The following CEP350 variants were observed in gnomAD, a reference collection of about 807,000 sequenced individuals.
CEP350 encodes the protein centrosome-associated protein 350.
A neutral mutation model predicts 331.8 loss-of-function variants in CEP350; 126 were observed. The observed-to-expected ratio is 0.38, with a 90% CI of 0.33 to 0.44. The LOEUF is 0.44. CEP350 is among the 20% of genes least tolerant of loss of function. CEP350 has a pLI of 1.00. For synonymous variants in CEP350, 1,200 were observed against 1,259.5 expected, an observed-to-expected ratio of 0.95 and a Z score of 1.00; for missense variants, 3,406 against 3,634.6, an observed-to-expected ratio of 0.94 and a Z score of 1.62.
rs377114549 is a variant in CEP350, at chr1:180,080,713, A to T, written c.6124+52A>T. ...TTTGTGTTGTATTTGAACAGCCTTT[A>T]CTCTAAAAGGCTTCAAGGAGTTTGT... On this transcript the variant is annotated intron_variant, in intron 30 of 37. Transcript: ENST00000367607. 32 of 1,489,282 alleles carry T rather than the reference A, an allele frequency of 2.1e-5. No homozygotes were observed. In the African/African-American group the frequency reaches 3.7e-4, roughly 17 times the overall value. 92.3% of individuals were successfully genotyped at this position (1,489,282 alleles called of 1,614,324 possible).
At chr1:179,988,668 A>AC (rs200558607) in intron 3 of CEP350, among the ~76,000 whole-genome samples, 1 of 148,690 alleles carries the variant, frequency 6.7e-6, no homozygotes, top group South Asian at 2.1e-4. Context: ...TCAAAGGGAA[A>AC]CCCTTTTTTT....
chr1:179,965,176 A>C (rs995820566), intron 1 of CEP350, among the ~76,000 whole-genome samples: 3 of 152,064 alleles, frequency 2.0e-5, no homozygotes, highest in African/African-American at 4.8e-5. Flanking sequence ...GTTAGGAGCA[A>C]GTTGTTTAGT....
In CEP350 at chr1:179,969,410, C is replaced by T. The variant is rs146899445; in HGVS notation, c.-14+14268C>T. 1.6e-4 allele frequency: 80 copies of T among 510,524 alleles called. No individual in the cohort carries two copies. In the East Asian group the frequency reaches 4.3e-3, roughly 27 times the overall value. 31.6% of individuals were successfully genotyped at this position (510,524 alleles called of 1,614,324 possible). ...CGTGCGGGTGCCCTCTGTGCCTATT[C>T]AGCAGTTTCCTACTAAAGACTGGAG... On this transcript the variant is annotated intron_variant, in intron 1 of 37. Coordinates refer to ENST00000367607, the MANE Select transcript of CEP350 (RefSeq NM_014810.5).
chr1:180,055,378 A>G (rs974083572), intron 25 of CEP350, among the ~76,000 whole-genome samples: 1 of 152,090 alleles, frequency 6.6e-6, no homozygotes, highest in African/African-American at 2.4e-5. Flanking sequence ...AGTATTCAAT[A>G]GATTCCAGTT....
chr1:179,955,388 GCCTCCTCCACC>G (rs937850857), intron 1 of CEP350, among the ~76,000 whole-genome samples: 1 of 152,136 alleles, frequency 6.6e-6, no homozygotes, highest in African/African-American at 2.4e-5. Flanking sequence ...GTGTCCTCCC[GCCTCCTCCACC>G]CCTCCTCTAG....
At chr1:180,041,953 C>A in intron 19 of CEP350, 151 bp downstream of exon 19, 1 of 248,548 alleles carries the variant, frequency 4.0e-6, no homozygotes, top group Non-Finnish European at 6.4e-6. Context: ...AAATAAGAGG[C>A]ACCATTGATT....
intron 21 of CEP350, among the ~76,000 whole-genome samples, chr1:180,047,602 C>CA (rs112238652): frequency 3.6e-4 from 53 of 146,428 alleles, no homozygotes; most frequent in Middle Eastern, 3.5e-3. Context: ...ACTAAAAATA[C>CA]AAAAAAAAAA....
In CEP350 at chr1:180,111,501, C is replaced by A; in HGVS notation, c.*340C>A. The A allele has an allele frequency of 5.1e-6, 1 of 196,890 alleles. No individual in the cohort carries two copies. The highest frequency in any genetic ancestry group is 1.0e-5 in the Non-Finnish European group (1 of 95,868). The allele number at this position is 196,890 out of a possible 1,614,324, so 12.2% of individuals were successfully genotyped here. A position where few individuals can be genotyped will look rare whatever the true frequency, so the allele number is the denominator to read the frequency against. On this transcript the variant is annotated 3_prime_UTR_variant, in exon 38 of 38. Transcript: ENST00000367607. ...GGTATCACTTCTTTGAGTCTGAAGTCAAGTGAGAGAGGTATAGATAAATGC... is the reference window on the plus strand; with the variant it reads ...GGTATCACTTCTTTGAGTCTGAAGTAAAGTGAGAGAGGTATAGATAAATGC...
At chr1:180,018,209 C>T (rs1429861081) in intron 11 of CEP350, among the ~76,000 whole-genome samples, 5 of 151,948 alleles carry the variant, frequency 3.3e-5, no homozygotes, top group Admixed American at 3.3e-4. Flanking sequence ...AGATGAGGAG[C>T]TTGCTATGTT....
chr1:180,061,215 A>ATT (rs1658210130), intron 25 of CEP350, among the ~76,000 whole-genome samples: 1 of 151,986 alleles, frequency 6.6e-6, no homozygotes, highest in Non-Finnish European at 1.5e-5. Flanking sequence ...TGATTGATTG[A>ATT]GACAGGGTCT....
intron 32 of CEP350, among the ~76,000 whole-genome samples, chr1:180,090,048 G>A (rs1484976096): frequency 6.6e-6 from 1 of 152,168 alleles, no homozygotes; most frequent in Admixed American, 6.5e-5. Context: ...AGTAATATGG[G>A]GTGGTTTGAG....
At chr1:179,957,822 G>A (rs944318770) in intron 1 of CEP350, among the ~76,000 whole-genome samples, 12 of 152,172 alleles carry the variant, frequency 7.9e-5, no homozygotes, top group South Asian at 4.1e-4. Flanking sequence ...AACAGGTTAC[G>A]GTAATTTAAA....
chr1:180,017,651 G>A (rs767735820), intron 11 of CEP350, among the ~76,000 whole-genome samples: 13 of 151,942 alleles, frequency 8.6e-5, no homozygotes, highest in East Asian at 7.7e-4. Flanking sequence ...AACTTATTGC[G>A]TCCACTTTCT....
chr1:180,091,573 A>G (rs997619318), intron 33 of CEP350, among the ~76,000 whole-genome samples: 4 of 152,288 alleles, frequency 2.6e-5, no homozygotes, highest in Admixed American at 6.5e-5. Context: ...GCTCACGCCT[A>G]TAATCCCCAC....
chr1:180,066,042 AT>A (rs1217761648), intron 27 of CEP350, among the ~76,000 whole-genome samples: 2 of 152,036 alleles, frequency 1.3e-5, no homozygotes, highest in African/African-American at 4.8e-5. Flanking sequence ...AAAGGCTGAA[AT>A]TTTCCAGGAA....
chr1:179,968,662 A>T, intron 1 of CEP350: 1 of 452,540 alleles, frequency 2.2e-6, no homozygotes, highest in Non-Finnish European at 4.2e-6. Context: ...TTAAAGGGAA[A>T]CTTTTACAAT....
At chr1:179,955,832 G>T (rs1164646863) in intron 1 of CEP350, among the ~76,000 whole-genome samples, 1 of 152,146 alleles carries the variant, frequency 6.6e-6, no homozygotes, top group Non-Finnish European at 1.5e-5. Flanking sequence ...TCCTTCATAT[G>T]GGAAAAAACA....
chr1:180,001,651 G>A (rs944206916), intron 6 of CEP350, among the ~76,000 whole-genome samples: 6 of 152,196 alleles, frequency 3.9e-5, no homozygotes, highest in African/African-American at 1.4e-4. Flanking sequence ...GAAAAAGTAT[G>A]TTTGAAAGAC....
At chr1:179,957,705 T>G (rs1571766125) in intron 1 of CEP350, among the ~76,000 whole-genome samples, 1 of 152,320 alleles carries the variant, frequency 6.6e-6, no homozygotes, top group African/African-American at 2.4e-5. Context: ...TATGCTCAGA[T>G]TTGCTGGGTA....
Sources: gnomAD v4.1 joint callset for allele counts (sites outside exome capture counted in the v4.1 genomes callset) on GRCh38, gnomAD v4.1.1 for gene constraint, MANE v1.5 for transcripts, NCBI Gene and HGNC (gene_info 2026-07-23, HGNC 2026-07-21) for gene names.